Variants in TENM3 observed in about 807,000 individuals in gnomAD.
TENM3 encodes teneurin transmembrane protein 3.
In TENM3, 63 loss-of-function variants were observed where a neutral mutation model predicts 255.1. That is an observed-to-expected ratio of 0.25 (90% CI 0.20 to 0.30). The LOEUF (loss-of-function observed/expected upper bound fraction) is 0.30. Among genes scored for constraint, TENM3 ranks in the 10% least tolerant of loss-of-function variants. TENM3 has a pLI of 1.00. For synonymous variants in TENM3, 1,306 were observed against 1,322.3 expected (o/e 0.99, Z 0.27); for missense variants, 2,929 against 3,461.1 (o/e 0.85, Z 3.86).
At chr4:181,698,475 A>AT in the TENM3 span, among the ~76,000 whole-genome samples, 7 of 152,248 alleles carry the variant, frequency 4.6e-5, no homozygotes, top group Admixed American at 2.6e-4. Flanking sequence ...GAAAAAAAAA[A>AT]TCACTCTGGC....
At chr4:182,197,034 G>A (rs113581345) in intron 1 of TENM3, among the ~76,000 whole-genome samples, 2 of 152,100 alleles carry the variant, frequency 1.3e-5, no homozygotes, top group Admixed American at 6.5e-5. Flanking sequence ...CGGAGTTGCT[G>A]TTGCATTTCA....
At chr4:182,492,711 C>T (rs1010391227) in intron 3 of TENM3, among the ~76,000 whole-genome samples, 2 of 152,176 alleles carry the variant, frequency 1.3e-5, no homozygotes, top group Middle Eastern at 3.4e-3. Context: ...AAGTTTTGCT[C>T]GATGACTGCT....
chr4:181,472,501 C>T, the TENM3 span, among the ~76,000 whole-genome samples: 1 of 152,020 alleles, frequency 6.6e-6, no homozygotes, highest in Non-Finnish European at 1.5e-5. Context: ...CAGCCAGGCT[C>T]CTCTTTGGAC....
intron 1 of TENM3, among the ~76,000 whole-genome samples, chr4:182,302,691 C>G (rs1761918369): frequency 6.6e-6 from 1 of 152,072 alleles, no homozygotes; most frequent in Admixed American, 6.5e-5. Flanking sequence ...CTATCTAATT[C>G]TAAAATGGAA....
At position 182,792,459 on chromosome 4, in the gene TENM3, C is replaced by T. The variant is rs777620570; in HGVS notation, c.5787C>T (p.Asn1929=). The change falls in exon 26 of 28, where the codon AAC becomes AAT. Residue 1929 remains asparagine (N), a synonymous_variant. Coordinates refer to ENST00000511685, the MANE Select transcript of TENM3 (RefSeq NM_001080477.4). The surrounding 1 kb of genome is among the most constrained non-coding windows in gnomAD (Gnocchi z 6.3). The part of the protein sequence containing the change: ...ESNASIITDY[N]EEGLLLQTAF... ...ACGCCTCCATCATCACGGACTACAA[C>T]GAGGAAGGGCTGCTTCTACAAACAG... 5.8e-5 allele frequency: 93 copies of T among 1,614,034 alleles called. No individual in the cohort carries two copies. In the South Asian group the frequency reaches 8.5e-4, roughly 15 times the overall value.
At chr4:181,650,594 A>C in the TENM3 span, among the ~76,000 whole-genome samples, 1 of 152,196 alleles carries the variant, frequency 6.6e-6, no homozygotes. Context: ...GATCCCTATT[A>C]GGAGTACTTA....
At chr4:182,675,058 T>C (rs1755555186) in intron 7 of TENM3, among the ~76,000 whole-genome samples, 1 of 151,822 alleles carries the variant, frequency 6.6e-6, no homozygotes, top group African/African-American at 2.4e-5. Context: ...GTATTTTTAG[T>C]AGACATAGGT....
chr4:182,402,010 A>T (rs1480694139), intron 3 of TENM3, among the ~76,000 whole-genome samples: 1 of 152,216 alleles, frequency 6.6e-6, no homozygotes, highest in Non-Finnish European at 1.5e-5. Flanking sequence ...ATTTACAAGT[A>T]TCGACTAACA....
At chr4:182,422,458 T>C (rs1433858040) in intron 3 of TENM3, among the ~76,000 whole-genome samples, 1 of 152,192 alleles carries the variant, frequency 6.6e-6, no homozygotes, top group Non-Finnish European at 1.5e-5. Context: ...AAAAATTAAT[T>C]ATGATAAGGA....
the TENM3 span, among the ~76,000 whole-genome samples, chr4:181,931,991 C>G: frequency 1.1e-4 from 16 of 152,146 alleles, no homozygotes; most frequent in East Asian, 1.7e-3. Context: ...TGGACCCCTT[C>G]CTTACATTTT....
At chr4:182,020,111 TCA>T in the TENM3 span, among the ~76,000 whole-genome samples, 1 of 151,880 alleles carries the variant, frequency 6.6e-6, no homozygotes, top group African/African-American at 2.4e-5. Context: ...ATGCCTGTAA[TCA>T]CAGCACTTTG....
chr4:181,658,307 C>T, the TENM3 span, among the ~76,000 whole-genome samples: 33 of 152,216 alleles, frequency 2.2e-4, no homozygotes, highest in Non-Finnish European at 3.8e-4. Flanking sequence ...AAAAGCATTT[C>T]GGGAGATTGG....
chr4:181,618,809 G>C, the TENM3 span, among the ~76,000 whole-genome samples: 6 of 152,160 alleles, frequency 3.9e-5, no homozygotes, highest in Admixed American at 2.6e-4. Context: ...TCAGTGTTTT[G>C]CTTCTGGAAA....
chr4:181,964,875 A>G, the TENM3 span, among the ~76,000 whole-genome samples: 2 of 152,196 alleles, frequency 1.3e-5, no homozygotes, highest in South Asian at 2.1e-4. Context: ...GAGTTCCAGG[A>G]GTGTCTATTT....
intron 1 of TENM3, among the ~76,000 whole-genome samples, chr4:182,305,687 G>C (rs910217142): frequency 3.9e-5 from 6 of 152,196 alleles, no homozygotes; most frequent in African/African-American, 1.4e-4. Context: ...GCTCTTTGCG[G>C]CCTTCCTGCC....
At chr4:182,296,229 C>T (rs2150348426) in intron 1 of TENM3, among the ~76,000 whole-genome samples, 1 of 152,242 alleles carries the variant, frequency 6.6e-6, no homozygotes, top group East Asian at 1.9e-4. Context: ...TCCCAAAGTG[C>T]TGGGATTACA....
At chr4:182,425,403 C>T (rs978407815) in intron 3 of TENM3, among the ~76,000 whole-genome samples, 3 of 152,202 alleles carry the variant, frequency 2.0e-5, no homozygotes, top group African/African-American at 7.2e-5. Context: ...GTAAGGATCA[C>T]AAATCTTCAG....
intron 1 of TENM3, among the ~76,000 whole-genome samples, chr4:182,251,582 G>T (rs919355206): frequency 2.0e-4 from 31 of 152,208 alleles, no homozygotes; most frequent in African/African-American, 7.2e-4. Context: ...TTCTTTCCCA[G>T]TATAGAGTCA....
At chr4:182,696,167 A>G (rs1757384071) in intron 12 of TENM3, among the ~76,000 whole-genome samples, 1 of 152,224 alleles carries the variant, frequency 6.6e-6, no homozygotes, top group South Asian at 2.1e-4. Flanking sequence ...ACAATAAAAA[A>G]AAAGTCTTTC....
Sources: allele counts gnomAD v4.1 joint callset (sites outside exome capture counted in the v4.1 genomes callset), GRCh38; gene constraint gnomAD v4.1.1; non-coding constraint Gnocchi (gnomAD v3.1); transcripts MANE v1.5; gene names NCBI Gene and HGNC (gene_info 2026-07-23, HGNC 2026-07-21).